The following STAT4 variants were observed in gnomAD, a reference collection of about 807,000 sequenced individuals.
The protein encoded by STAT4 is signal transducer and activator of transcription 4.
Under a neutral mutation model 110.5 loss-of-function variants are expected in STAT4, and 42 were observed. The ratio of observed to expected loss-of-function variants is 0.38; its 90% CI spans 0.30 to 0.49. STAT4 has a LOEUF of 0.49. STAT4 is among the 20% of genes least tolerant of loss of function. The pLI, the probability that STAT4 is intolerant of heterozygous loss-of-function variation, is 0.95. For missense variants in STAT4, 632 were observed against 887.9 expected (o/e 0.71, Z 3.66); for synonymous variants, 284 against 302.2 (o/e 0.94, Z 0.63).
chr2:191,148,613 C>G (rs1699515630), intron 1 of STAT4, among the ~76,000 whole-genome samples: 1 of 152,200 alleles, frequency 6.6e-6, no homozygotes, highest in Non-Finnish European at 1.5e-5. Context: ...CTAAAACCCT[C>G]TAAGACTTTA....
Position 191,051,669 on chromosome 2 carries a change from CTG to C in STAT4, c.1251+2819_1251+2820del. Among the ~76,000 whole-genome samples, 1 of 152,162 alleles carries C rather than the reference CTG, an allele frequency of 6.6e-6. No homozygotes were observed. Among genetic ancestry groups the C allele is most frequent in the East Asian group, 1.9e-4 (1 of 5,200 alleles). On this transcript the variant is annotated intron_variant, in intron 14 of 23. Coordinates refer to ENST00000392320, the MANE Select transcript of STAT4 (RefSeq NM_003151.4). This position sits in a 1 kb window ranked among gnomAD's most constrained non-coding sequence, Gnocchi z 5.6. ...AGCAGGTGGGTGAGGTGCAGACACT[CTG>C]TGAGATAGATGGGGTGAGGTGACGG...
intron 3 of STAT4, among the ~76,000 whole-genome samples, chr2:191,096,358 C>T (rs558790968): frequency 6.6e-5 from 10 of 152,220 alleles, no homozygotes; most frequent in Non-Finnish European, 7.4e-5. Context: ...AACATTGATG[C>T]GAAAATCCTC....
At chr2:191,133,554 C>T (rs1377526693) in intron 3 of STAT4, among the ~76,000 whole-genome samples, 3 of 151,442 alleles carry the variant, frequency 2.0e-5, no homozygotes, top group African/African-American at 7.3e-5. Flanking sequence ...TGGAATGACA[C>T]CTATCAAATA....
At chr2:191,095,306 A>G (rs1272132042) in intron 3 of STAT4, among the ~76,000 whole-genome samples, 1 of 152,202 alleles carries the variant, frequency 6.6e-6, no homozygotes, top group Non-Finnish European at 1.5e-5. Flanking sequence ...CCAACAGAAT[A>G]TACATTCTTC....
intron 3 of STAT4, among the ~76,000 whole-genome samples, chr2:191,078,770 A>G (rs992971409): frequency 4.6e-5 from 7 of 152,092 alleles, no homozygotes; most frequent in Non-Finnish European, 7.4e-5. Flanking sequence ...CTTCTACTCT[A>G]TGGCTTATCT....
At chr2:191,133,655 G>A (rs1303047015) in intron 3 of STAT4, among the ~76,000 whole-genome samples, 3 of 151,466 alleles carry the variant, frequency 2.0e-5, no homozygotes, top group African/African-American at 7.3e-5. Context: ...AAAAAATTAT[G>A]AATATGCACT....
At chr2:191,106,395 C>G (rs1044294395) in intron 3 of STAT4, among the ~76,000 whole-genome samples, 1 of 151,738 alleles carries the variant, frequency 6.6e-6, no homozygotes, top group South Asian at 2.1e-4. Context: ...CACGGTGGCT[C>G]ATGCCTGTAA....
At chr2:191,137,908 C>A (rs917850804) in intron 3 of STAT4, among the ~76,000 whole-genome samples, 12 of 152,156 alleles carry the variant, frequency 7.9e-5, no homozygotes, top group African/African-American at 2.9e-4. Flanking sequence ...TAAACTGCTA[C>A]AAGATAACAT....
chr2:191,067,505 T>C lies in STAT4; in HGVS notation c.545-990A>G, dbSNP rs1574725340. On this transcript the variant is annotated intron_variant, in intron 6 of 23. Coordinates refer to ENST00000392320, the MANE Select transcript of STAT4 (RefSeq NM_003151.4). ...CCAAACTTCGTCCCAAACCGTTGTTTGTTCTCCAGTCAGTTCTCCAAGAAT... is the reference window on the plus strand; with the variant it reads ...CCAAACTTCGTCCCAAACCGTTGTTCGTTCTCCAGTCAGTTCTCCAAGAAT... Among the ~76,000 whole-genome samples the C allele has an allele frequency of 2.0e-5, 3 of 152,322 alleles. No individual in the cohort carries two copies. The Middle Eastern group carries it at 0.01, about 518-fold the overall frequency.
Position 191,146,507 on chromosome 2 carries a change from T to C in STAT4, c.273+106A>G. ...TGTAAGTGGTAAGACAACTCAATTT[T>C]CCCCTAAATTTCATTTGAAAATAAT... On this transcript the variant is annotated intron_variant, in intron 3 of 23. Coordinates refer to ENST00000392320, the MANE Select transcript of STAT4 (RefSeq NM_003151.4). This position sits in a 1 kb window ranked among gnomAD's most constrained non-coding sequence, Gnocchi z 4.5. 1.8e-6 allele frequency: 2 copies of C among 1,094,110 alleles called. No homozygotes were observed. Among genetic ancestry groups the C allele is most frequent in the Non-Finnish European group, 2.4e-6 (2 of 845,694 alleles). The allele number at this position is 1,094,110 out of a possible 1,614,324, so 67.8% of individuals were successfully genotyped here. A position where few individuals can be genotyped will look rare whatever the true frequency, so the allele number is the denominator to read the frequency against.
chr2:191,034,101 T>A, intron 18 of STAT4, 96 bp from the exon 19 acceptor site: 1 of 869,296 alleles, frequency 1.2e-6, no homozygotes, highest in Non-Finnish European at 1.8e-6. Context: ...ATATTATCTT[T>A]AAACTGGACA....
rs777211622 is a variant in STAT4 at position 191,061,738 on chromosome 2, A to G, written c.1025T>C (p.Val342Ala). ...LVLKTLIQFT[V>A]KLRLLIKLPE... ...AAATGTTTTTGCCTACCTTAGTTTT[A>G]CAGTGAACTGAATTAGGGTTTTAAG... The change falls in exon 10 of 24, where the codon GTA (valine) becomes GCA (alanine). Residue 342 changes from valine to alanine, a missense_variant. Val to Ala is a moderately conservative substitution (Grantham distance 64). Transcript: ENST00000392320. This position sits in a 1 kb window ranked among gnomAD's most constrained non-coding sequence, Gnocchi z 6.2. 1 of 1,613,992 alleles carries G rather than the reference A, an allele frequency of 6.2e-7. No homozygotes were observed. Among genetic ancestry groups the G allele is most frequent in the Non-Finnish European group, 8.5e-7 (1 of 1,179,868 alleles).
chr2:191,129,160 A>C (rs576143799), intron 3 of STAT4, among the ~76,000 whole-genome samples: 1 of 152,346 alleles, frequency 6.6e-6, no homozygotes, highest in East Asian at 1.9e-4. Context: ...AGTAAAAAAA[A>C]CACAGAAAGT....
In STAT4 at chr2:191,146,622, C is replaced by T; in HGVS notation, c.264G>A (p.Lys88=). The change falls in exon 3 of 24, where the codon AAG becomes AAA. Residue 88 remains lysine (K), a synonymous_variant. Coordinates refer to ENST00000392320, the MANE Select transcript of STAT4 (RefSeq NM_003151.4). The surrounding 1 kb of genome is among the most constrained non-coding windows in gnomAD (Gnocchi z 4.5). ...LLIHNLKRIR[K]VLQGKFHGNP... ...TAGAATGCATTCTTACCTGAAGGACCTTCCTAATTCTTTTTAGATTGTGTA... is the reference window on the plus strand; with the variant it reads ...TAGAATGCATTCTTACCTGAAGGACTTTCCTAATTCTTTTTAGATTGTGTA... 2 of 1,528,934 alleles carry T rather than the reference C, an allele frequency of 1.3e-6. No individual in the cohort carries two copies. The highest frequency in any genetic ancestry group is 1.8e-6 in the Non-Finnish European group (2 of 1,139,828). 94.7% of individuals were successfully genotyped at this position (1,528,934 alleles called of 1,614,324 possible). A position where few individuals can be genotyped will look rare whatever the true frequency, so the allele number is the denominator to read the frequency against.
Position 191,032,797 on chromosome 2 carries a change from G to T in STAT4, c.2044+161C>A. ...CAGCGGTCCCTTTTCAGGAACTGCTGACATACCACTTCATTTCTAAGGCTT... is the reference window on the plus strand; with the variant it reads ...CAGCGGTCCCTTTTCAGGAACTGCTTACATACCACTTCATTTCTAAGGCTT... On this transcript the variant is annotated intron_variant, in intron 21 of 23. Coordinates refer to ENST00000392320, the MANE Select transcript of STAT4 (RefSeq NM_003151.4). The surrounding 1 kb of genome is among the most constrained non-coding windows in gnomAD (Gnocchi z 4.9). 1 of 706,092 alleles carries T rather than the reference G, an allele frequency of 1.4e-6. No individual in the cohort carries two copies. Among genetic ancestry groups the T allele is most frequent in the East Asian group, 2.8e-5 (1 of 35,128 alleles). The allele number at this position is 706,092 out of a possible 1,614,324, so 43.7% of individuals were successfully genotyped here.
At chr2:191,044,265 C>T (rs1048389815) in intron 14 of STAT4, among the ~76,000 whole-genome samples, 1 of 152,064 alleles carries the variant, frequency 6.6e-6, no homozygotes, top group Non-Finnish European at 1.5e-5. Flanking sequence ...AAACTCATTG[C>T]TGTAAAATTG....
chr2:191,092,698 A>G lies in STAT4; in HGVS notation c.274-16373T>C, dbSNP rs1414601358. ...GGTTCATCTCATTGGGACTGGTTGGACAGTGGGTTCAGCCCACGGAGGGTG... is the reference window on the plus strand; with the variant it reads ...GGTTCATCTCATTGGGACTGGTTGGGCAGTGGGTTCAGCCCACGGAGGGTG... On this transcript the variant is annotated intron_variant, in intron 3 of 23. Transcript: ENST00000392320. Among the ~76,000 whole-genome samples, 3 of 152,140 alleles carry G rather than the reference A, an allele frequency of 2.0e-5. No homozygotes were observed. In the East Asian group the frequency reaches 5.8e-4, roughly 29 times the overall value.
chr2:191,115,864 AG>A (rs1035909799), intron 3 of STAT4, among the ~76,000 whole-genome samples: 10 of 152,146 alleles, frequency 6.6e-5, no homozygotes, highest in African/African-American at 2.4e-4. Flanking sequence ...TCAATTTGGG[AG>A]GTGGAGAAGA....
In STAT4 at chr2:191,104,102, G is replaced by A. The variant is rs535765162; in HGVS notation, c.274-27777C>T. ...GAAATAACCATATAATCCCCGTTTTGTGAAAAAATATATCTATTCATCTCT... is the reference window on the plus strand; with the variant it reads ...GAAATAACCATATAATCCCCGTTTTATGAAAAAATATATCTATTCATCTCT... On this transcript the variant is annotated intron_variant, in intron 3 of 23. Coordinates refer to ENST00000392320, the MANE Select transcript of STAT4 (RefSeq NM_003151.4). The surrounding 1 kb of genome is among the most constrained non-coding windows in gnomAD (Gnocchi z 4.3). Among the ~76,000 whole-genome samples, 87 of 152,116 alleles carry A rather than the reference G, an allele frequency of 5.7e-4. No individual in the cohort carries two copies. Among genetic ancestry groups the A allele is most frequent in the African/African-American group, 2.0e-3 (82 of 41,504 alleles).
Sources: allele counts gnomAD v4.1 joint callset (sites outside exome capture counted in the v4.1 genomes callset), GRCh38; gene constraint gnomAD v4.1.1; non-coding constraint Gnocchi (gnomAD v3.1); transcripts MANE v1.5; gene names NCBI Gene and HGNC (gene_info 2026-07-23, HGNC 2026-07-21).